DPY19L3: variants seen among roughly 807,000 people sequenced by gnomAD.
DPY19L3 encodes the protein dpy-19 like C-mannosyltransferase 3.
In DPY19L3, 51 loss-of-function variants were observed where a neutral mutation model predicts 92.3. The observed-to-expected ratio is 0.55, with a 90% CI of 0.44 to 0.70. The LOEUF (loss-of-function observed/expected upper bound fraction) is 0.70, where lower values mean the gene tolerates loss of function less well. Among genes scored for constraint, DPY19L3 ranks in the 30% least tolerant of loss-of-function variants. DPY19L3 has a pLI of 0.00. For synonymous variants in DPY19L3, 309 were observed against 315.2 expected (o/e 0.98, Z 0.21); for missense variants, 706 against 855.9 (o/e 0.82, Z 2.18).
chr19:32,422,257 G>A (rs914390563), intron 3 of DPY19L3, among the ~76,000 whole-genome samples: 8 of 152,158 alleles, frequency 5.3e-5, no homozygotes, highest in African/African-American at 1.7e-4. Flanking sequence ...CACATTAAAA[G>A]ATAATCCTTT....
intron 7 of DPY19L3, 146 bp downstream of exon 7, chr19:32,439,381 T>C: frequency 4.5e-6 from 4 of 880,338 alleles, no homozygotes; most frequent in Non-Finnish European, 6.5e-6. Flanking sequence ...TTAAGTTTTC[T>C]TTTCGTGAGC....
At chr19:32,455,170 G>A in intron 10 of DPY19L3, 130 bp downstream of exon 10, 2 of 628,810 alleles carry the variant, frequency 3.2e-6, no homozygotes, top group Non-Finnish European at 5.1e-6. Flanking sequence ...CCGTTTCCTA[G>A]GCTGGCCTTG....
chr19:32,457,916 A>T (rs1969917046), intron 10 of DPY19L3, among the ~76,000 whole-genome samples, 184 bp from the exon 11 acceptor site: 1 of 152,234 alleles, frequency 6.6e-6, no homozygotes, highest in Non-Finnish European at 1.5e-5. Context: ...GGGGTTTGGA[A>T]GGAGTTTGGA....
intron 3 of DPY19L3, among the ~76,000 whole-genome samples, chr19:32,419,323 G>A (rs1968485620): frequency 2.0e-5 from 3 of 151,810 alleles, no homozygotes. Flanking sequence ...GCCACGCCTG[G>A]CTAATTTTTT....
At chr19:32,453,534 T>C (rs1166246108) in intron 9 of DPY19L3, among the ~76,000 whole-genome samples, 2 of 152,160 alleles carry the variant, frequency 1.3e-5, no homozygotes, top group Non-Finnish European at 2.9e-5. Context: ...CCAAAGATGC[T>C]TGGTTGAATG....
chr19:32,447,774 TAGA>T (rs777447231), intron 8 of DPY19L3, among the ~76,000 whole-genome samples: 1 of 137,854 alleles, frequency 7.3e-6, no homozygotes, highest in African/African-American at 2.8e-5. Context: ...GATAGATAGA[TAGA>T]TTAGATAAGA....
chr19:32,441,642 T>C (rs971270352), intron 8 of DPY19L3, among the ~76,000 whole-genome samples: 1 of 151,880 alleles, frequency 6.6e-6, no homozygotes, highest in African/African-American at 2.4e-5. Context: ...GGAATACAGG[T>C]GCATGCCACC....
intron 12 of DPY19L3, 102 bp downstream of exon 12, chr19:32,458,611 A>G: frequency 1.6e-6 from 2 of 1,212,422 alleles, no homozygotes; most frequent in Non-Finnish European, 2.3e-6. Context: ...CACAAGTAAT[A>G]GTATTCATCT....
rs574041869 is a variant in DPY19L3, at chr19:32,461,820, C to T, written c.1323-1546C>T. 3.9e-5 allele frequency among the ~76,000 whole-genome samples: 6 copies of T among 152,230 alleles called. No individual in the cohort carries two copies. In the South Asian group the frequency reaches 1.0e-3, roughly 26 times the overall value. ...CTTTACTGTTGTTTTCTTTTCCCCTCGACAACAAATTGTGCAACATCTAAA... is the reference window on the plus strand; with the variant it reads ...CTTTACTGTTGTTTTCTTTTCCCCTTGACAACAAATTGTGCAACATCTAAA... On this transcript the variant is annotated intron_variant, in intron 12 of 18. Coordinates refer to ENST00000392250, the MANE Select transcript of DPY19L3 (RefSeq NM_001172774.2).
At chr19:32,418,353 T>G (rs1423624615) in intron 3 of DPY19L3, among the ~76,000 whole-genome samples, 1 of 152,256 alleles carries the variant, frequency 6.6e-6, no homozygotes, top group African/African-American at 2.4e-5. Flanking sequence ...GTTTTGTGTT[T>G]TGCTTAGATT....
chr19:32,439,500 T>G (rs1969256321), intron 7 of DPY19L3, among the ~76,000 whole-genome samples: 1 of 152,236 alleles, frequency 6.6e-6, no homozygotes, highest in Non-Finnish European at 1.5e-5. Flanking sequence ...TTCTGCAAAC[T>G]GTCAGAATTT....
At chr19:32,459,035 A>T (rs1435625944) in intron 12 of DPY19L3, among the ~76,000 whole-genome samples, 2 of 152,052 alleles carry the variant, frequency 1.3e-5, no homozygotes, top group Non-Finnish European at 2.9e-5. Context: ...TGTAAGAGTT[A>T]ATTAATTATT....
chr19:32,458,494 C>T lies in DPY19L3; in HGVS notation c.1307C>T (p.Ala436Val). 1 of 1,610,000 alleles carries T rather than the reference C, an allele frequency of 6.2e-7. No homozygotes were observed. The highest frequency in any genetic ancestry group is 1.7e-5 in the Admixed American group (1 of 59,222). The change falls in exon 12 of 19, where the codon GCC becomes GTC. Residue 436 changes from alanine (A) to valine (V), a missense_variant. Coordinates refer to ENST00000392250, the MANE Select transcript of DPY19L3 (RefSeq NM_001172774.2). ...SITVIVAFVV[A>V]FHNLSDSTNQ... Reference sequence around the variant, plus strand: ...ACAGTGATTGTAGCATTCGTTGTTGCCTTTCATAATCTCAGGTATGGTATA... The same window carrying T: ...ACAGTGATTGTAGCATTCGTTGTTGTCTTTCATAATCTCAGGTATGGTATA...
intron 15 of DPY19L3, among the ~76,000 whole-genome samples, chr19:32,465,250 G>A (rs898692703): frequency 6.6e-6 from 1 of 152,130 alleles, no homozygotes; most frequent in Non-Finnish European, 1.5e-5. Flanking sequence ...TTTAAAATCT[G>A]TTCTTCAGTA....
chr19:32,447,780 A>T (rs1214026261), intron 8 of DPY19L3, among the ~76,000 whole-genome samples: 1 of 140,658 alleles, frequency 7.1e-6, no homozygotes. Flanking sequence ...TAGATAGATT[A>T]GATAAGATAC....
chr19:32,450,007 A>G (rs567125052), intron 8 of DPY19L3, among the ~76,000 whole-genome samples: 17 of 81,174 alleles, frequency 2.1e-4, no homozygotes, highest in African/African-American at 9.3e-4. Context: ...TTGCAATCAT[A>G]TATCTGATCA....
chr19:32,453,117 G>T (rs1969758080), intron 8 of DPY19L3, 28 bp from the exon 9 acceptor site: 1 of 1,612,830 alleles, frequency 6.2e-7, no homozygotes, highest in Non-Finnish European at 8.5e-7. Flanking sequence ...TAAAATGTCT[G>T]TACTCATCTA....
chr19:32,418,432 G>A (rs1968449928), intron 3 of DPY19L3, among the ~76,000 whole-genome samples: 1 of 152,220 alleles, frequency 6.6e-6, no homozygotes, highest in Non-Finnish European at 1.5e-5. Flanking sequence ...GTCTAGTACA[G>A]TGGCCACATG....
At chr19:32,471,756 G>A (rs964626180) in intron 16 of DPY19L3, among the ~76,000 whole-genome samples, 13 of 152,132 alleles carry the variant, frequency 8.5e-5, no homozygotes, top group African/African-American at 3.1e-4. Context: ...CTCAGTGGGA[G>A]TTGGTTCTTT....
Sources: allele counts gnomAD v4.1 joint callset (sites outside exome capture counted in the v4.1 genomes callset), GRCh38; gene constraint gnomAD v4.1.1; transcripts MANE v1.5; gene names NCBI Gene and HGNC (gene_info 2026-07-23, HGNC 2026-07-21).